Variants in GUCY1A2 observed in about 807,000 individuals in gnomAD.
The protein encoded by GUCY1A2 is guanylate cyclase soluble subunit alpha-2.
A neutral mutation model predicts 63.5 loss-of-function variants in GUCY1A2; 27 were observed. The observed-to-expected ratio is 0.43, with a 90% CI of 0.31 to 0.59. The LOEUF (loss-of-function observed/expected upper bound fraction) is 0.59, where lower values mean the gene tolerates loss of function less well. Ranked by LOEUF, GUCY1A2 falls within the 20% of genes least tolerant of loss-of-function variation. The pLI, the probability that GUCY1A2 is intolerant of heterozygous loss-of-function variation, is 0.11. For synonymous variants in GUCY1A2, 364 were observed against 343.5 expected (o/e 1.06, Z -0.66); for missense variants, 768 against 913.3 (o/e 0.84, Z 2.05).
intron 6 of GUCY1A2, among the ~76,000 whole-genome samples, chr11:106,757,017 C>A (rs7950851): frequency 0.2 from 30,753 of 152,098 alleles, 3,709 homozygotes; most frequent in South Asian, 0.28. Context: ...TTCTCATAGT[C>A]CCATATTTCT....
At chr11:106,927,106 G>C (rs1290179580) in intron 4 of GUCY1A2, among the ~76,000 whole-genome samples, 1 of 151,890 alleles carries the variant, frequency 6.6e-6, no homozygotes, top group Non-Finnish European at 1.5e-5. Context: ...GGGTGCAGTG[G>C]CTCACACCTG....
chr11:106,823,281 T>C (rs568037852), intron 4 of GUCY1A2, among the ~76,000 whole-genome samples: 2 of 152,278 alleles, frequency 1.3e-5, no homozygotes, highest in East Asian at 3.9e-4. Flanking sequence ...CTGTCTACTA[T>C]TTCCATCTTT....
chr11:106,927,497 A>T (rs1212645144), intron 4 of GUCY1A2, among the ~76,000 whole-genome samples: 1 of 152,170 alleles, frequency 6.6e-6, no homozygotes, highest in Non-Finnish European at 1.5e-5. Flanking sequence ...TTTTGAGTTG[A>T]CATAGAATGT....
At chr11:106,904,969 A>T (rs1860184417) in intron 4 of GUCY1A2, among the ~76,000 whole-genome samples, 1 of 152,148 alleles carries the variant, frequency 6.6e-6, no homozygotes, top group Admixed American at 6.6e-5. Context: ...TCTAACTCAC[A>T]AAGTGTTTCA....
At chr11:106,781,131 AAAG>A (rs1431893667) in intron 5 of GUCY1A2, among the ~76,000 whole-genome samples, 6 of 150,288 alleles carry the variant, frequency 4.0e-5, no homozygotes, top group African/African-American at 9.8e-5. Flanking sequence ...AAAAAAAAAA[AAAG>A]AAAAACTGTC....
chr11:106,948,535 C>A (rs576375835), intron 3 of GUCY1A2, among the ~76,000 whole-genome samples: 10 of 152,146 alleles, frequency 6.6e-5, no homozygotes, highest in Non-Finnish European at 1.3e-4. Context: ...AATAAAAGAT[C>A]TTTTCCAAAA....
At chr11:106,936,540 GGA>G (rs2119963727) in intron 4 of GUCY1A2, 1 of 555,664 alleles carries the variant, frequency 1.8e-6, no homozygotes, top group African/African-American at 1.9e-5. Flanking sequence ...AAGAAAATAG[GGA>G]GAGAGAAGAA....
intron 4 of GUCY1A2, among the ~76,000 whole-genome samples, chr11:106,857,110 T>C (rs549175176): frequency 2.8e-4 from 42 of 152,294 alleles, no homozygotes; most frequent in African/African-American, 8.7e-4. Context: ...ATAAATTTAG[T>C]CCTTGTCTTA....
chr11:106,798,462 A>G (rs1864808941), intron 5 of GUCY1A2, among the ~76,000 whole-genome samples: 1 of 152,192 alleles, frequency 6.6e-6, no homozygotes, highest in Non-Finnish European at 1.5e-5. Context: ...ACACAACAAA[A>G]AAAGAGAATT....
At chr11:106,856,089 C>T (rs1018847934) in intron 4 of GUCY1A2, among the ~76,000 whole-genome samples, 7 of 144,476 alleles carry the variant, frequency 4.8e-5, no homozygotes, top group Admixed American at 6.9e-5. Flanking sequence ...CCACACCTGG[C>T]TAAATTTTTT....
At chr11:106,902,269 C>T (rs1335506128) in intron 4 of GUCY1A2, among the ~76,000 whole-genome samples, 1 of 152,154 alleles carries the variant, frequency 6.6e-6, no homozygotes, top group East Asian at 1.9e-4. Context: ...TTCAGTAAAC[C>T]ATGCTGTAAG....
chr11:106,992,888 C>T (rs552787607), intron 1 of GUCY1A2, among the ~76,000 whole-genome samples: 1 of 152,210 alleles, frequency 6.6e-6, no homozygotes, highest in South Asian at 2.1e-4. Context: ...GAGCACCCGG[C>T]GTCTTTGTGT....
chr11:106,922,850 G>T (rs552794758), intron 4 of GUCY1A2, among the ~76,000 whole-genome samples: 1 of 151,526 alleles, frequency 6.6e-6, no homozygotes, highest in African/African-American at 2.4e-5. Context: ...TGGAATAAAC[G>T]TTCAAAAATG....
At chr11:106,820,156 C>CA (rs1858882341) in intron 4 of GUCY1A2, among the ~76,000 whole-genome samples, 1 of 151,958 alleles carries the variant, frequency 6.6e-6, no homozygotes, top group South Asian at 2.1e-4. Flanking sequence ...ACAATTATTC[C>CA]AAAAAAATAA....
At chr11:107,001,852 C>G (rs888634692) in intron 1 of GUCY1A2, among the ~76,000 whole-genome samples, 7 of 152,050 alleles carry the variant, frequency 4.6e-5, no homozygotes, top group African/African-American at 1.4e-4. Flanking sequence ...AACCCCATCT[C>G]TACCAAAAAT....
chr11:106,753,176 T>C (rs1177379139), intron 6 of GUCY1A2, among the ~76,000 whole-genome samples: 3 of 152,220 alleles, frequency 2.0e-5, no homozygotes, highest in Non-Finnish European at 2.9e-5. Flanking sequence ...TTTTGAGAAG[T>C]GTCTGTTCAT....
intron 6 of GUCY1A2, among the ~76,000 whole-genome samples, chr11:106,709,380 TATTATATATTATATAA>T (rs1166074477): frequency 1.1e-5 from 1 of 92,818 alleles, no homozygotes; most frequent in Non-Finnish European, 1.9e-5. Flanking sequence ...AAATTATATA[TATTATATATTATATAA>T]ATTATATATT....
intron 3 of GUCY1A2, among the ~76,000 whole-genome samples, chr11:106,946,348 C>A (rs2120000390): frequency 6.6e-6 from 1 of 151,946 alleles, no homozygotes; most frequent in South Asian, 2.1e-4. Flanking sequence ...ATCAAAACAG[C>A]AAAAGACCAG....
At position 106,939,929 on chromosome 11, in the gene GUCY1A2, A is replaced by G; in HGVS notation, c.737T>C (p.Val246Ala). The G allele has an allele frequency of 1.9e-6, 3 of 1,613,794 alleles. No homozygotes were observed. Among genetic ancestry groups the G allele is most frequent in the Non-Finnish European group, 2.5e-6 (3 of 1,179,802 alleles). The change falls in exon 4 of 8, where the codon GTG (valine) becomes GCG (alanine). Residue 246 changes from valine (V) to alanine (A), a missense_variant. By Grantham distance (64) the Val-to-Ala change is moderately conservative. Coordinates refer to ENST00000526355, the MANE Select transcript of GUCY1A2 (RefSeq NM_000855.3). ...MLHYFHPHHI[V>A]GFAMLGMIKA... ...AATCATCCCCAGCATTGCAAACCCC[A>G]CAATATGGTGAGGGTGGAAGTAGTG...
Sources: gnomAD v4.1 joint callset for allele counts (sites outside exome capture counted in the v4.1 genomes callset) on GRCh38, gnomAD v4.1.1 for gene constraint, MANE v1.5 for transcripts, NCBI Gene and HGNC (gene_info 2026-07-23, HGNC 2026-07-21) for gene names.